The following DOCK5 variants were observed in gnomAD, a reference collection of about 807,000 sequenced individuals.
DOCK5 encodes dedicator of cytokinesis 5.
In DOCK5, 142 loss-of-function variants were observed where a neutral mutation model predicts 251.8. The observed-to-expected ratio is 0.56, with a 90% CI of 0.49 to 0.65. The LOEUF (loss-of-function observed/expected upper bound fraction) is 0.65, where lower values mean the gene tolerates loss of function less well. Among genes scored for constraint, DOCK5 ranks in the 30% least tolerant of loss-of-function variants. The pLI is 0.00. For synonymous variants in DOCK5, 842 were observed against 835.5 expected, an observed-to-expected ratio of 1.01 and a Z score of -0.13; for missense variants, 2,111 against 2,312.3, an observed-to-expected ratio of 0.91 and a Z score of 1.79.
intron 5 of DOCK5, among the ~76,000 whole-genome samples, chr8:25,284,985 C>T (rs1285840126): frequency 6.6e-6 from 1 of 152,158 alleles, no homozygotes; most frequent in African/African-American, 2.4e-5. Flanking sequence ...TCCTCATCTT[C>T]CCATGGGAGA....
chr8:25,374,568 C>A lies in DOCK5; in HGVS notation c.3730C>A (p.Leu1244Met), dbSNP rs1342514912. The change falls in exon 37 of 52, where the codon CTG becomes ATG. Residue 1244 changes from leucine (L) to methionine (M), a missense_variant. Physicochemically the swap from Leu to Met is conservative, Grantham distance 15. Around this residue, in one of 3 missense-constraint regions of DOCK5, gnomAD observed 1,717 missense variants for 1,892.4 expected, o/e 0.91. Coordinates refer to ENST00000276440, the MANE Select transcript of DOCK5 (RefSeq NM_024940.8). Reference protein sequence around the residue: ...KKREDIYIRYLYKLRDLHRDC... With the variant: ...KKREDIYIRYMYKLRDLHRDC... ...TCCTTCTCCCCTTCTTGCCAGATAT[C>A]TGTACAAGCTTCGAGATTTGCACCG... The A allele has an allele frequency of 1.2e-6, 2 of 1,602,254 alleles. No homozygotes were observed. Among genetic ancestry groups the A allele is most frequent in the South Asian group, 1.1e-5 (1 of 89,440 alleles).
In DOCK5 at chr8:25,332,613, A is replaced by T; in HGVS notation, c.2012A>T (p.Asp671Val). 1.2e-6 allele frequency: 2 copies of T among 1,610,110 alleles called. 1 individual carries two copies. The highest frequency in any genetic ancestry group is 2.2e-5 in the South Asian group (2 of 90,120). Residue 671 changes from aspartate to valine, a missense_variant, in exon 20 of 52, where the codon GAT (aspartate) becomes GTT (valine). By Grantham distance (152) the Asp-to-Val change is radical. Transcript: ENST00000276440. The stretch of plus-strand genomic sequence containing the variant: ...TTTTCTTATCTTCAGTTTTTGCAAG[A>T]TACACTAGATGCACTCTTTAACATA... ...DGGEIVKFLQDTLDALFNIMM... is the reference protein window; with the variant it reads ...DGGEIVKFLQVTLDALFNIMM...
In DOCK5 at chr8:25,310,529, C is replaced by T; in HGVS notation, c.1315C>T (p.Pro439Ser). ...GATGGGCTTTCCTGAAATCATACTG[C>T]CAGGTAAGCACTTTGCATGGCTCAC... ...RKMGFPEIILPGDVRNDIYVT... is the reference protein window; with the variant it reads ...RKMGFPEIILSGDVRNDIYVT... The change falls in exon 13 of 52, where the codon CCA becomes TCA. Residue 439 changes from proline to serine, a missense_variant. This residue lies in a region of DOCK5 where 1,717 missense variants were observed against 1,892.4 expected (regional missense o/e 0.91). Coordinates refer to ENST00000276440, the MANE Select transcript of DOCK5 (RefSeq NM_024940.8). The T allele has an allele frequency of 6.2e-7, 1 of 1,609,876 alleles. No individual in the cohort carries two copies. The highest frequency in any genetic ancestry group is 8.5e-7 in the Non-Finnish European group (1 of 1,178,182).
chr8:25,287,886 CTT>C (rs397892746), intron 5 of DOCK5, among the ~76,000 whole-genome samples: 30 of 138,744 alleles, frequency 2.2e-4, no homozygotes, highest in Admixed American at 2.2e-4. Context: ...AGCATATGCT[CTT>C]TTTTTTTTTT....
chr8:25,384,749 C>G (rs896321832), intron 40 of DOCK5, among the ~76,000 whole-genome samples: 1 of 151,658 alleles, frequency 6.6e-6, no homozygotes, highest in Non-Finnish European at 1.5e-5. Flanking sequence ...CATGAGCCAC[C>G]GTGCCCAGCC....
intron 2 of DOCK5, among the ~76,000 whole-genome samples, chr8:25,256,881 T>C (rs991607334): frequency 2.6e-5 from 4 of 151,480 alleles, no homozygotes; most frequent in African/African-American, 9.7e-5. Context: ...TCAAATTGTT[T>C]CTTCTTGACT....
chr8:25,256,549 G>T (rs1254770908), intron 2 of DOCK5, among the ~76,000 whole-genome samples: 2 of 144,526 alleles, frequency 1.4e-5, no homozygotes, highest in African/African-American at 5.2e-5. Context: ...TGAGGCAAGA[G>T]AATCACTTGA....
intron 40 of DOCK5, among the ~76,000 whole-genome samples, chr8:25,384,882 G>A (rs971540174): frequency 1.3e-4 from 20 of 152,128 alleles, no homozygotes; most frequent in South Asian, 6.2e-4. Flanking sequence ...GCAATGAGCC[G>A]AGATGGTGCC....
intron 31 of DOCK5, 108 bp from the exon 32 acceptor site, chr8:25,368,084 T>G: frequency 1.1e-6 from 1 of 892,728 alleles, no homozygotes; most frequent in East Asian, 2.6e-5. Context: ...GGTTGGGCCT[T>G]AAGAGTGACC....
intron 1 of DOCK5, among the ~76,000 whole-genome samples, chr8:25,188,933 ATTTATT>A (rs953543071): frequency 2.4e-4 from 36 of 152,162 alleles, no homozygotes; most frequent in African/African-American, 8.2e-4. Flanking sequence ...TTATAAAAAC[ATTTATT>A]TTTAAGTTTG....
chr8:25,197,943 G>T (rs1369971394), intron 1 of DOCK5, among the ~76,000 whole-genome samples: 1 of 151,840 alleles, frequency 6.6e-6, no homozygotes, highest in Non-Finnish European at 1.5e-5. Context: ...GTAGAGACGG[G>T]GTTTCACTGT....
At chr8:25,219,142 T>C (rs533277808) in intron 1 of DOCK5, among the ~76,000 whole-genome samples, 22 of 152,342 alleles carry the variant, frequency 1.4e-4, no homozygotes, top group Non-Finnish European at 2.9e-4. Flanking sequence ...TCCCCTCCCC[T>C]CTGAGTCACA....
intron 1 of DOCK5, among the ~76,000 whole-genome samples, chr8:25,235,186 A>G (rs888624265): frequency 6.7e-6 from 1 of 150,080 alleles, no homozygotes; most frequent in Admixed American, 6.6e-5. Flanking sequence ...GTGGGAAAAA[A>G]CTCCTATGAT....
chr8:25,186,043 C>T (rs1801422815), intron 1 of DOCK5, among the ~76,000 whole-genome samples: 1 of 152,154 alleles, frequency 6.6e-6, no homozygotes, highest in Non-Finnish European at 1.5e-5. Flanking sequence ...TACTGAGGTC[C>T]TGTTTTTCCT....
In DOCK5 at chr8:25,323,889, A is replaced by C; in HGVS notation, c.1657A>C (p.Lys553Gln). ...GCGAGCATTTGGGGTGGCCTTCGTG[A>C]AGCTGATGAACCCGGATGGCACCAC... is the stretch of plus-strand genomic sequence containing the variant. ...SERAFGVAFV[K>Q]LMNPDGTTLQ... is the part of the protein sequence containing the mutation. The change falls in exon 17 of 52, where the codon AAG becomes CAG. Residue 553 changes from lysine to glutamine, a missense_variant. Physicochemically the swap from Lys to Gln is moderately conservative, Grantham distance 53. Around this residue, in one of 3 missense-constraint regions of DOCK5, gnomAD observed 1,717 missense variants for 1,892.4 expected, o/e 0.91. Coordinates refer to ENST00000276440, the MANE Select transcript of DOCK5 (RefSeq NM_024940.8). 6.2e-7 allele frequency: 1 copy of C among 1,613,568 alleles called. No homozygotes were observed. The highest frequency in any genetic ancestry group is 1.7e-5 in the Admixed American group (1 of 59,964).
In DOCK5 at chr8:25,227,408, T is replaced by C. The variant is rs117303074; in HGVS notation, c.44-16266T>C. Among the ~76,000 whole-genome samples the C allele has an allele frequency of 7.1e-3, 1,077 of 152,234 alleles. 14 individuals carry two copies. The highest frequency in any genetic ancestry group is 7.9e-3 in the Non-Finnish European group (539 of 68,018). On this transcript the variant is annotated intron_variant, in intron 1 of 51. Coordinates refer to ENST00000276440, the MANE Select transcript of DOCK5 (RefSeq NM_024940.8). The stretch of plus-strand genomic sequence containing the variant: ...AGCAAATAGCCAATTATACCCATGC[T>C]GTTTATTAAATCATTTGTCCTGCTA...
intron 3 of DOCK5, among the ~76,000 whole-genome samples, chr8:25,271,577 C>A (rs1242917930): frequency 6.6e-6 from 1 of 152,110 alleles, no homozygotes; most frequent in African/African-American, 2.4e-5. Flanking sequence ...GCTGACCCAG[C>A]CATTTAGAGT....
At chr8:25,203,263 A>G (rs1487916794) in intron 1 of DOCK5, among the ~76,000 whole-genome samples, 2 of 152,226 alleles carry the variant, frequency 1.3e-5, no homozygotes, top group African/African-American at 4.8e-5. Flanking sequence ...TTGCTTGCAT[A>G]TAGAATATAC....
At chr8:25,230,846 A>G (rs950465150) in intron 1 of DOCK5, among the ~76,000 whole-genome samples, 5 of 152,148 alleles carry the variant, frequency 3.3e-5, no homozygotes, top group African/African-American at 1.2e-4. Context: ...GTGAGACTCC[A>G]TCTCAAAAAT....
Sources: gnomAD v4.1 joint callset for allele counts (sites outside exome capture counted in the v4.1 genomes callset) on GRCh38, gnomAD v4.1.1 for gene constraint, gnomAD v4.1.1 regional missense constraint, MANE v1.5 for transcripts, NCBI Gene and HGNC (gene_info 2026-07-23, HGNC 2026-07-21) for gene names.